PDE4D: variants seen among roughly 807,000 people sequenced by gnomAD.
PDE4D encodes phosphodiesterase 4D.
A neutral mutation model predicts 87.4 loss-of-function variants in PDE4D; 24 were observed. The observed-to-expected ratio is 0.27, with a 90% CI of 0.20 to 0.39. PDE4D has a LOEUF of 0.39. Among genes scored for constraint, PDE4D ranks in the 10% least tolerant of loss-of-function variants. The pLI is 1.00. For synonymous variants in PDE4D, 384 were observed against 383.2 expected, an observed-to-expected ratio of 1.00 and a Z score of -0.02; for missense variants, 714 against 1,041.0, an observed-to-expected ratio of 0.69 and a Z score of 4.32.
chr5:59,048,419 C>T (rs1761045137), intron 5 of PDE4D, among the ~76,000 whole-genome samples: 1 of 152,110 alleles, frequency 6.6e-6, no homozygotes, highest in African/African-American at 2.4e-5. Flanking sequence ...TTAGAGAAAA[C>T]AAGGAGTTTG....
intron 1 of PDE4D, among the ~76,000 whole-genome samples, chr5:60,367,832 A>G (rs1760687679): frequency 6.6e-6 from 1 of 152,136 alleles, no homozygotes; most frequent in Admixed American, 6.5e-5. Context: ...TGGAGGAATC[A>G]CCAGGGCTAA....
At chr5:59,978,630 T>A (rs1196770560) in intron 3 of PDE4D, among the ~76,000 whole-genome samples, 1 of 152,196 alleles carries the variant, frequency 6.6e-6, no homozygotes, top group Non-Finnish European at 1.5e-5. Flanking sequence ...ACTTAGTAGA[T>A]AAACCAGCAG....
At chr5:58,979,549 C>T (rs2153314594) in intron 11 of PDE4D, among the ~76,000 whole-genome samples, 1 of 152,282 alleles carries the variant, frequency 6.6e-6, no homozygotes, top group African/African-American at 2.4e-5. Flanking sequence ...TCATCAAAGA[C>T]ACTAATCCAT....
intron 1 of PDE4D, among the ~76,000 whole-genome samples, chr5:59,407,855 G>C (rs1268621439): frequency 6.6e-6 from 1 of 152,160 alleles, no homozygotes; most frequent in Non-Finnish European, 1.5e-5. Context: ...ATGTGACCTG[G>C]CTGCTTCTAA....
intron 1 of PDE4D, among the ~76,000 whole-genome samples, chr5:59,283,115 A>T (rs1053538982): frequency 6.6e-6 from 1 of 152,206 alleles, no homozygotes; most frequent in Non-Finnish European, 1.5e-5. Context: ...TTTTCTGAGG[A>T]CTAAAAAAGA....
chr5:59,808,427 C>T (rs1241968391), intron 1 of PDE4D, among the ~76,000 whole-genome samples: 1 of 152,192 alleles, frequency 6.6e-6, no homozygotes, highest in Non-Finnish European at 1.5e-5. Context: ...AAGTGTTTAA[C>T]CCAGAGCTCT....
intron 3 of PDE4D, among the ~76,000 whole-genome samples, chr5:59,986,079 T>C (rs1164878895): frequency 6.6e-6 from 1 of 152,196 alleles, no homozygotes; most frequent in African/African-American, 2.4e-5. Context: ...AGCAATACAT[T>C]CTCTCTCTGA....
intron 2 of PDE4D, among the ~76,000 whole-genome samples, chr5:60,115,067 C>T (rs1778041603): frequency 6.7e-6 from 1 of 148,836 alleles, no homozygotes; most frequent in African/African-American, 2.5e-5. Flanking sequence ...ATTGAAGTGG[C>T]AGATCATATT....
At chr5:59,649,678 T>C (rs965374282) in intron 1 of PDE4D, among the ~76,000 whole-genome samples, 7 of 150,692 alleles carry the variant, frequency 4.6e-5, no homozygotes, top group Non-Finnish European at 1.0e-4. Context: ...GAGAGGCAGT[T>C]TGTAATAACA....
intron 1 of PDE4D, among the ~76,000 whole-genome samples, chr5:59,244,785 A>G (rs1266927229): frequency 6.9e-6 from 1 of 145,736 alleles, no homozygotes; most frequent in Non-Finnish European, 1.5e-5. Context: ...ATAAAAATGT[A>G]TATATATATA....
At chr5:59,872,004 C>T (rs1361798367) in intron 1 of PDE4D, among the ~76,000 whole-genome samples, 1 of 152,072 alleles carries the variant, frequency 6.6e-6, no homozygotes, top group Non-Finnish European at 1.5e-5. Context: ...TCTGATTTAT[C>T]TGTTCATAGA....
At chr5:59,586,180 T>C (rs1825088381) in intron 1 of PDE4D, 1 of 556,162 alleles carries the variant, frequency 1.8e-6, no homozygotes, top group African/African-American at 1.9e-5. Context: ...TAACCATTAC[T>C]TTCTCAGACA....
chr5:60,343,890 C>G, intron 1 of PDE4D, among the ~76,000 whole-genome samples: 1 of 152,086 alleles, frequency 6.6e-6, no homozygotes, highest in African/African-American at 2.4e-5. Context: ...TTTAATGACC[C>G]CATTTGGCTT....
intron 2 of PDE4D, among the ~76,000 whole-genome samples, chr5:60,075,844 T>C (rs944538670): frequency 2.2e-4 from 33 of 152,216 alleles, no homozygotes; most frequent in African/African-American, 8.0e-4. Flanking sequence ...TGTACTGTGT[T>C]TTTTCAGCTC....
intron 1 of PDE4D, among the ~76,000 whole-genome samples, chr5:59,452,985 T>C (rs1799392354): frequency 6.6e-6 from 1 of 152,028 alleles, no homozygotes. Context: ...AAATGGTTTG[T>C]GGCAACCTTG....
At chr5:59,813,905 A>C (rs949163229) in intron 1 of PDE4D, among the ~76,000 whole-genome samples, 1 of 152,118 alleles carries the variant, frequency 6.6e-6, no homozygotes, top group Admixed American at 6.5e-5. Context: ...CACAGCTGAA[A>C]TACTTAAAAA....
At chr5:60,058,700 C>G (rs1191982109) in intron 2 of PDE4D, among the ~76,000 whole-genome samples, 1 of 151,806 alleles carries the variant, frequency 6.6e-6, no homozygotes, top group Non-Finnish European at 1.5e-5. Context: ...TAATCATGTA[C>G]AAGTTTACCA....
intron 1 of PDE4D, among the ~76,000 whole-genome samples, chr5:59,488,962 A>C (rs1805677180): frequency 1.3e-5 from 2 of 152,146 alleles, no homozygotes; most frequent in South Asian, 4.1e-4. Flanking sequence ...AGTGTTCTCC[A>C]GTTCAAGCCA....
At chr5:59,721,447 T>C (rs1281174498) in intron 1 of PDE4D, among the ~76,000 whole-genome samples, 2 of 152,274 alleles carry the variant, frequency 1.3e-5, no homozygotes, top group East Asian at 3.9e-4. Context: ...ATTTAATGAG[T>C]GCTTATGTGC....
Sources: gnomAD v4.1 joint callset for allele counts (sites outside exome capture counted in the v4.1 genomes callset) on GRCh38, gnomAD v4.1.1 for gene constraint, MANE v1.5 for transcripts, NCBI Gene and HGNC (gene_info 2026-07-23, HGNC 2026-07-21) for gene names.